PDS5B: variants seen among roughly 807,000 people sequenced by gnomAD.
PDS5B encodes sister chromatid cohesion protein PDS5 homolog B.
PDS5B carries 51 observed loss-of-function variants against 184.1 expected under a neutral mutation model. The observed-to-expected ratio is 0.28, with a 90% CI of 0.22 to 0.35. PDS5B has a LOEUF of 0.35. Among genes scored for constraint, PDS5B ranks in the 10% least tolerant of loss-of-function variants. The probability of loss-of-function intolerance (pLI) is 1.00; values close to 1 mark genes in which losing one functional copy is unlikely to be tolerated. For synonymous variants in PDS5B, 566 were observed against 569.2 expected (o/e 0.99, Z 0.08); for missense variants, 1,180 against 1,723.3 (o/e 0.68, Z 5.58).
At chr13:32,732,023 A>T in intron 19 of PDS5B, 78 bp from the exon 20 acceptor site, 1 of 1,228,592 alleles carries the variant, frequency 8.1e-7, no homozygotes, top group Non-Finnish European at 1.1e-6. Context: ...TTACTTAAAA[A>T]TACAAATATT....
chr13:32,595,259 A>C (rs7327429), intron 1 of PDS5B, among the ~76,000 whole-genome samples: 60,871 of 151,874 alleles, frequency 0.4, 12,617 homozygotes, highest in African/African-American at 0.49. Flanking sequence ...ATCTCCCCTA[A>C]CTCTCACATT....
Position 32,658,266 on chromosome 13 carries a change from T to G in PDS5B, c.340T>G (p.Leu114Val), listed in dbSNP as rs1187094282. The change falls in exon 4 of 35, where the codon TTG (leucine) becomes GTG (valine). Residue 114 changes from leucine to valine, a missense_variant. Around this residue, in one of 11 missense-constraint regions of PDS5B, gnomAD observed 22 missense variants for 46.8 expected, o/e 0.47. Coordinates refer to ENST00000315596, the MANE Select transcript of PDS5B (RefSeq NM_015032.4). ...KDIFMFITRQ[L>V]KGLEDTKSPQ... is the part of the protein sequence containing the mutation. ...TATATTTATGTTTATAACAAGACAGTTGAAGGGGCTAGAGGATACAAAGAG... is the reference window on the plus strand; with the variant it reads ...TATATTTATGTTTATAACAAGACAGGTGAAGGGGCTAGAGGATACAAAGAG... The G allele has an allele frequency of 1.3e-6, 2 of 1,505,590 alleles. No individual in the cohort carries two copies. The highest frequency in any genetic ancestry group is 2.3e-5 in the East Asian group (1 of 44,278). 93.3% of individuals were successfully genotyped at this position (1,505,590 alleles called of 1,614,324 possible).
At chr13:32,635,376 G>T (rs2058532473) in intron 1 of PDS5B, among the ~76,000 whole-genome samples, 1 of 122,546 alleles carries the variant, frequency 8.2e-6, no homozygotes, top group Admixed American at 9.4e-5. Context: ...ACGGAGTCTT[G>T]CTCTGGTGCC....
chr13:32,750,938 A>G (rs566798459), intron 24 of PDS5B, among the ~76,000 whole-genome samples: 1 of 151,194 alleles, frequency 6.6e-6, no homozygotes, highest in East Asian at 1.9e-4. Flanking sequence ...ATCTAGGTAA[A>G]TTGTTTGTCA....
rs763569753 is a variant in PDS5B at position 32,659,307 on chromosome 13, G to T, written c.624+27G>T. The T allele has an allele frequency of 1.6e-5, 24 of 1,500,116 alleles. No homozygotes were observed. The Admixed American group carries it at 2.4e-4, about 15-fold the overall frequency. 92.9% of individuals were successfully genotyped at this position (1,500,116 alleles called of 1,614,324 possible). A position where few individuals can be genotyped will look rare whatever the true frequency, so the allele number is the denominator to read the frequency against. ...TGAGTAGCAATGTATACTGTAATGT[G>T]TCTAATGCCCGTTAATATTAAGGCT... On this transcript the variant is annotated intron_variant, in intron 6 of 34. Coordinates refer to ENST00000315596, the MANE Select transcript of PDS5B (RefSeq NM_015032.4).
At chr13:32,760,457 A>G in intron 29 of PDS5B, 118 bp from the exon 30 acceptor site, 1 of 902,504 alleles carries the variant, frequency 1.1e-6, no homozygotes, top group South Asian at 1.8e-5. Context: ...TTAAGGATAG[A>G]CACATTTTTC....
rs771715623 is a variant in PDS5B at position 32,735,247 on chromosome 13, C to G, written c.2323C>G (p.Leu775Val). The change falls in exon 21 of 35, where the codon CTC becomes GTC. Residue 775 changes from leucine to valine, a missense_variant. This residue lies in a region of PDS5B where 475 missense variants were observed against 691.5 expected (regional missense o/e 0.69). Coordinates refer to ENST00000315596, the MANE Select transcript of PDS5B (RefSeq NM_015032.4). The stretch of plus-strand genomic sequence containing the variant: ...ATTGGTTACTATTGGTCATATTGCT[C>G]TCCTTGCACCTGATCAATTTGCTGC... ...TPLVTIGHIA[L>V]LAPDQFAAPL... The G allele has an allele frequency of 1.4e-5, 23 of 1,611,886 alleles. No homozygotes were observed. Among genetic ancestry groups the G allele is most frequent in the Non-Finnish European group, 2.0e-5 (23 of 1,178,234 alleles).
chr13:32,761,951 C>T (rs1198327766), intron 30 of PDS5B, among the ~76,000 whole-genome samples: 1 of 152,184 alleles, frequency 6.6e-6, no homozygotes, highest in Non-Finnish European at 1.5e-5. Context: ...GTTTTCTCTG[C>T]AGCCTCACCA....
chr13:32,711,761 G>A (rs988667016), intron 19 of PDS5B, among the ~76,000 whole-genome samples: 2 of 152,196 alleles, frequency 1.3e-5, no homozygotes, highest in African/African-American at 4.8e-5. Context: ...GTATGTATGT[G>A]TATGTGTATG....
At chr13:32,675,403 A>T (rs1479747272) in intron 8 of PDS5B, among the ~76,000 whole-genome samples, 1 of 152,202 alleles carries the variant, frequency 6.6e-6, no homozygotes, top group African/African-American at 2.4e-5. Context: ...AGACTGTAGC[A>T]CATACTAATA....
chr13:32,607,441 C>T (rs918027826), intron 1 of PDS5B, among the ~76,000 whole-genome samples: 6 of 152,166 alleles, frequency 3.9e-5, no homozygotes, highest in Non-Finnish European at 5.9e-5. Flanking sequence ...CAGAGGGGCA[C>T]CTGGCTGTAT....
At chr13:32,755,087 A>G (rs1195918161) in intron 25 of PDS5B, among the ~76,000 whole-genome samples, 1 of 152,216 alleles carries the variant, frequency 6.6e-6, no homozygotes, top group Non-Finnish European at 1.5e-5. Flanking sequence ...ATAGAAATAA[A>G]GAAAATTTGA....
intron 1 of PDS5B, among the ~76,000 whole-genome samples, chr13:32,642,538 C>T (rs139896878): frequency 4.7e-4 from 72 of 152,240 alleles, no homozygotes; most frequent in African/African-American, 1.7e-3. Flanking sequence ...AGACAAGGGC[C>T]AGTATGTTTT....
At chr13:32,746,661 A>C (rs1466229668) in intron 24 of PDS5B, among the ~76,000 whole-genome samples, 2 of 152,180 alleles carry the variant, frequency 1.3e-5, no homozygotes, top group Non-Finnish European at 2.9e-5. Context: ...CTTCATCATG[A>C]AATAACAAAA....
intron 7 of PDS5B, among the ~76,000 whole-genome samples, chr13:32,671,446 G>A (rs193028784): frequency 1.3e-5 from 2 of 152,200 alleles, no homozygotes; most frequent in East Asian, 1.9e-4. Flanking sequence ...TAAGTAAATA[G>A]TACTTGTTTT....
chr13:32,718,609 A>G (rs945596630), intron 19 of PDS5B, among the ~76,000 whole-genome samples: 1 of 152,210 alleles, frequency 6.6e-6, no homozygotes, highest in Admixed American at 6.5e-5. Context: ...TATCTCTGCT[A>G]TTGTTTAACA....
chr13:32,604,779 A>G (rs564538658), intron 1 of PDS5B, among the ~76,000 whole-genome samples: 73 of 152,294 alleles, frequency 4.8e-4, no homozygotes, highest in African/African-American at 1.5e-3. Context: ...CAGGGATTCA[A>G]CTTCTTCCTG....
chr13:32,747,216 TTC>T lies in PDS5B; in HGVS notation c.2736+1117_2736+1118del, dbSNP rs1953779910. Among the ~76,000 whole-genome samples the T allele has an allele frequency of 2.0e-5, 3 of 152,292 alleles. No homozygotes were observed. In the South Asian group the frequency reaches 6.2e-4, roughly 32 times the overall value. On this transcript the variant is annotated intron_variant, in intron 24 of 34. Coordinates refer to ENST00000315596, the MANE Select transcript of PDS5B (RefSeq NM_015032.4). ...CTTTCACATTAGTAAATAAAATACT[TTC>T]AGTATGAGTTTTTCATTAATAATTT...
intron 1 of PDS5B, among the ~76,000 whole-genome samples, chr13:32,635,443 A>T (rs2058533854): frequency 6.7e-6 from 1 of 149,424 alleles, no homozygotes; most frequent in South Asian, 2.1e-4. Flanking sequence ...TCCCGGGTTC[A>T]AGTGATTCTC....
Sources: gnomAD v4.1 joint callset for allele counts (sites outside exome capture counted in the v4.1 genomes callset) on GRCh38, gnomAD v4.1.1 for gene constraint, gnomAD v4.1.1 regional missense constraint, MANE v1.5 for transcripts, NCBI Gene and HGNC (gene_info 2026-07-23, HGNC 2026-07-21) for gene names.